SPOCK3: variants seen among roughly 807,000 people sequenced by gnomAD.
SPOCK3 encodes testican-3.
SPOCK3 carries 30 observed loss-of-function variants against 56.6 expected under a neutral mutation model. The observed-to-expected ratio is 0.53, with a 90% CI of 0.40 to 0.72. The LOEUF (loss-of-function observed/expected upper bound fraction) is 0.72. SPOCK3 is among the 30% of genes least tolerant of loss of function. The pLI, the probability that SPOCK3 is intolerant of heterozygous loss-of-function variation, is 0.00. For synonymous variants in SPOCK3, 196 were observed against 183.3 expected, an observed-to-expected ratio of 1.07 and a Z score of -0.56; for missense variants, 527 against 530.0, an observed-to-expected ratio of 0.99 and a Z score of 0.06.
chr4:166,902,265 C>T (rs998190847), intron 5 of SPOCK3, among the ~76,000 whole-genome samples: 5 of 151,942 alleles, frequency 3.3e-5, no homozygotes, highest in African/African-American at 1.2e-4. Context: ...GGTAATATGG[C>T]TTTTTTGTCT....
rs1412806155 is a variant in SPOCK3, at chr4:167,188,434, G to GA, written c.189+45550dup. 2.1e-5 allele frequency among the ~76,000 whole-genome samples: 3 copies of GA among 145,666 alleles called. No homozygotes were observed. In the South Asian group the frequency reaches 6.4e-4, roughly 31 times the overall value. On this transcript the variant is annotated intron_variant, in intron 2 of 10. Coordinates refer to ENST00000357545, the MANE Select transcript of SPOCK3 (RefSeq NM_001040159.2). ...AATAGCCCAGATACTGGAACGATAAGAAAAAAGGTCTTTAAAATTTATCAT... is the reference window on the plus strand; with the variant it reads ...AATAGCCCAGATACTGGAACGATAAGAAAAAAAGGTCTTTAAAATTTATCAT...
intron 2 of SPOCK3, among the ~76,000 whole-genome samples, chr4:167,175,468 C>T (rs1163986503): frequency 6.6e-6 from 1 of 152,092 alleles, no homozygotes; most frequent in Non-Finnish European, 1.5e-5. Flanking sequence ...TTGTTTCCTT[C>T]AAAATTTAAA....
chr4:167,142,181 T>A (rs760268000), intron 2 of SPOCK3, among the ~76,000 whole-genome samples: 9 of 152,004 alleles, frequency 5.9e-5, no homozygotes, highest in Non-Finnish European at 1.2e-4. Flanking sequence ...AGGGGACTGC[T>A]GGAAGAGGTC....
At chr4:167,077,507 A>G (rs894992027) in intron 2 of SPOCK3, among the ~76,000 whole-genome samples, 2 of 151,968 alleles carry the variant, frequency 1.3e-5, no homozygotes, top group Non-Finnish European at 2.9e-5. Context: ...TGTGTACAGA[A>G]AGACAATCTC....
chr4:167,000,890 C>A (rs1748884736), intron 3 of SPOCK3, among the ~76,000 whole-genome samples: 1 of 152,038 alleles, frequency 6.6e-6, no homozygotes, highest in South Asian at 2.1e-4. Flanking sequence ...AATGAACAAA[C>A]AAAAATGTCA....
chr4:167,159,875 T>C (rs1765135116), intron 2 of SPOCK3, among the ~76,000 whole-genome samples: 2 of 152,158 alleles, frequency 1.3e-5, no homozygotes, highest in South Asian at 4.1e-4. Flanking sequence ...AAATTAGGTA[T>C]TGATGAGATG....
intron 4 of SPOCK3, among the ~76,000 whole-genome samples, chr4:166,987,937 G>C (rs1356959039): frequency 6.6e-6 from 1 of 152,140 alleles, no homozygotes; most frequent in Non-Finnish European, 1.5e-5. Context: ...CAAAGGTAAA[G>C]AGAGGGTATG....
Position 166,950,252 on chromosome 4 carries a change from A to C in SPOCK3, c.351-37509T>G, listed in dbSNP as rs1343628359. On this transcript the variant is annotated intron_variant, in intron 4 of 10. Coordinates refer to ENST00000357545, the MANE Select transcript of SPOCK3 (RefSeq NM_001040159.2). The stretch of plus-strand genomic sequence containing the variant: ...AAGAATGCAGGAAGATCTACCAAGC[A>C]AATGGAAAACAAAAAAAGGCAGGGG... 4.6e-5 allele frequency among the ~76,000 whole-genome samples: 7 copies of C among 151,970 alleles called. No individual in the cohort carries two copies. In the East Asian group the frequency reaches 7.7e-4, roughly 17 times the overall value.
At chr4:166,924,549 C>CT (rs1242625734) in intron 4 of SPOCK3, among the ~76,000 whole-genome samples, 2 of 152,328 alleles carry the variant, frequency 1.3e-5, no homozygotes, top group Non-Finnish European at 2.9e-5. Flanking sequence ...CTTCTGACAG[C>CT]TTTTTTCTGA....
At chr4:167,175,655 T>C (rs1730919929) in intron 2 of SPOCK3, among the ~76,000 whole-genome samples, 1 of 152,020 alleles carries the variant, frequency 6.6e-6, no homozygotes, top group African/African-American at 2.4e-5. Flanking sequence ...GGAGATGCTG[T>C]GGAGGCTTGG....
intron 2 of SPOCK3, among the ~76,000 whole-genome samples, chr4:167,216,652 C>T (rs1201619054): frequency 6.6e-6 from 1 of 151,954 alleles, no homozygotes; most frequent in Non-Finnish European, 1.5e-5. Flanking sequence ...ATTTTTTTTG[C>T]ACAGCTTTAA....
In SPOCK3 at chr4:166,836,314, C is replaced by G. The variant is rs1002725340; in HGVS notation, c.590-44025G>C. The stretch of plus-strand genomic sequence containing the variant: ...AGATTCATGTATTAAATTCTCAACA[C>G]GATTTTATCATTTTTTTCAGCTTTC... On this transcript the variant is annotated intron_variant, in intron 6 of 10. Coordinates refer to ENST00000357545, the MANE Select transcript of SPOCK3 (RefSeq NM_001040159.2). 2.0e-5 allele frequency among the ~76,000 whole-genome samples: 3 copies of G among 152,052 alleles called. No homozygotes were observed. In the South Asian group the frequency reaches 6.2e-4, roughly 32 times the overall value.
intron 6 of SPOCK3, among the ~76,000 whole-genome samples, chr4:166,840,771 GTTTTTTTTT>G (rs70955697): frequency 2.9e-5 from 2 of 68,178 alleles, no homozygotes; most frequent in East Asian, 8.6e-4. Flanking sequence ...AGAAGCAAAA[GTTTTTTTTT>G]TTTTTTTTTT....
At chr4:166,986,458 A>G (rs1747182006) in intron 4 of SPOCK3, among the ~76,000 whole-genome samples, 1 of 152,150 alleles carries the variant, frequency 6.6e-6, no homozygotes, top group Non-Finnish European at 1.5e-5. Context: ...TTGCCTTGTC[A>G]CGGTGTCCCC....
At chr4:166,956,174 C>A (rs1309403772) in intron 4 of SPOCK3, among the ~76,000 whole-genome samples, 1 of 151,750 alleles carries the variant, frequency 6.6e-6, no homozygotes, top group Non-Finnish European at 1.5e-5. Context: ...TGTGCCAAGC[C>A]CCCCAGTAGA....
At chr4:166,997,706 G>A (rs1405596252) in intron 4 of SPOCK3, among the ~76,000 whole-genome samples, 2 of 152,176 alleles carry the variant, frequency 1.3e-5, no homozygotes, top group Non-Finnish European at 2.9e-5. Context: ...TGTGAGCACT[G>A]TAAGATGCGA....
At chr4:166,743,772 A>G (rs1360770312) in intron 8 of SPOCK3, among the ~76,000 whole-genome samples, 3 of 152,194 alleles carry the variant, frequency 2.0e-5, no homozygotes, top group Non-Finnish European at 2.9e-5. Flanking sequence ...GCACTTTTAC[A>G]ACGGTCTTAG....
intron 4 of SPOCK3, among the ~76,000 whole-genome samples, chr4:166,958,243 C>A (rs1225791970): frequency 6.6e-6 from 1 of 152,110 alleles, no homozygotes; most frequent in Non-Finnish European, 1.5e-5. Context: ...CTCTCTTGAT[C>A]CTGCTTTCTC....
intron 6 of SPOCK3, among the ~76,000 whole-genome samples, chr4:166,811,238 C>A (rs1236995599): frequency 6.7e-6 from 1 of 150,010 alleles, no homozygotes; most frequent in Non-Finnish European, 1.5e-5. Context: ...TTATTCTTTT[C>A]TTTGTTTCTT....
Sources: allele counts gnomAD v4.1 joint callset (sites outside exome capture counted in the v4.1 genomes callset), GRCh38; gene constraint gnomAD v4.1.1; transcripts MANE v1.5; gene names NCBI Gene and HGNC (gene_info 2026-07-23, HGNC 2026-07-21).